Variants in SLC44A5 observed in about 807,000 individuals in gnomAD.
SLC44A5 encodes the protein solute carrier family 44 member 5, also known as choline transporter-like protein 5.
Under a neutral mutation model 101.8 loss-of-function variants are expected in SLC44A5, and 57 were observed. That is an observed-to-expected ratio of 0.56 (90% CI 0.45 to 0.70). The LOEUF is 0.70. Ranked by LOEUF, SLC44A5 falls within the 30% of genes least tolerant of loss-of-function variation. The pLI is 0.00. For missense variants in SLC44A5, 737 were observed against 853.1 expected, an observed-to-expected ratio of 0.86 and a Z score of 1.70; for synonymous variants, 281 against 290.9, an observed-to-expected ratio of 0.97 and a Z score of 0.35.
chr1:75,481,029 C>A (rs1054060022), intron 2 of SLC44A5, among the ~76,000 whole-genome samples: 1 of 152,208 alleles, frequency 6.6e-6, no homozygotes, highest in Non-Finnish European at 1.5e-5. Flanking sequence ...GTAACCAAAA[C>A]AGCATGGTAC....
chr1:75,449,069 T>C (rs1665748242), intron 2 of SLC44A5, among the ~76,000 whole-genome samples: 1 of 152,186 alleles, frequency 6.6e-6, no homozygotes. Context: ...GACTTATACA[T>C]CAGTTCTCCA....
At chr1:75,549,953 A>C (rs1318499042) in intron 1 of SLC44A5, among the ~76,000 whole-genome samples, 1 of 152,110 alleles carries the variant, frequency 6.6e-6, no homozygotes, top group African/African-American at 2.4e-5. Flanking sequence ...AAAGAGAAGC[A>C]GATTGTACAA....
intron 23 of SLC44A5, chr1:75,205,310 CA>C (rs1646731970): frequency 6.6e-6 from 1 of 152,188 alleles, no homozygotes; most frequent in Non-Finnish European, 1.5e-5. Context: ...TTCAGATCAA[CA>C]TGTTCCTTTC....
chr1:75,652,460 C>T, the SLC44A5 span, among the ~76,000 whole-genome samples: 2 of 152,148 alleles, frequency 1.3e-5, no homozygotes, highest in African/African-American at 4.8e-5. Flanking sequence ...GGATTTGCTG[C>T]TGCTAACATC....
chr1:75,692,340 T>C, the SLC44A5 span, among the ~76,000 whole-genome samples: 1 of 151,970 alleles, frequency 6.6e-6, no homozygotes, highest in Non-Finnish European at 1.5e-5. Flanking sequence ...AATTTGGGCA[T>C]GTGCCAACAT....
At chr1:75,541,402 A>G in intron 2 of SLC44A5, 33 bp downstream of exon 2, 3 of 1,498,646 alleles carry the variant, frequency 2.0e-6, no homozygotes, top group Non-Finnish European at 2.8e-6. Flanking sequence ...AAAAGTCCAG[A>G]TCAAGAGGAA....
At chr1:75,623,350 T>C in the SLC44A5 span, among the ~76,000 whole-genome samples, 1 of 151,934 alleles carries the variant, frequency 6.6e-6, no homozygotes, top group East Asian at 1.9e-4. Flanking sequence ...AGGCAAAAAG[T>C]AGGGAAAAGA....
intron 23 of SLC44A5, chr1:75,206,494 C>T: frequency 1.4e-6 from 1 of 730,154 alleles, no homozygotes; most frequent in Non-Finnish European, 2.3e-6. Context: ...GTGCTGACTT[C>T]TTAGAATTAA....
chr1:75,652,057 T>G, the SLC44A5 span, among the ~76,000 whole-genome samples: 9 of 152,190 alleles, frequency 5.9e-5, no homozygotes, highest in African/African-American at 2.2e-4. Context: ...ATGGTGGAGT[T>G]TAACTGGTAG....
chr1:75,229,642 TC>T (rs1382438715), intron 12 of SLC44A5, among the ~76,000 whole-genome samples: 2 of 152,126 alleles, frequency 1.3e-5, no homozygotes, highest in Non-Finnish European at 2.9e-5. Context: ...ATTCTCAATC[TC>T]CCCTTACCTG....
intron 3 of SLC44A5, among the ~76,000 whole-genome samples, chr1:75,341,226 A>G (rs1428582340): frequency 6.6e-6 from 1 of 152,172 alleles, no homozygotes; most frequent in African/African-American, 2.4e-5. Context: ...AGGGCCGGAC[A>G]TGGGTGGCTC....
chr1:75,676,285 C>T, the SLC44A5 span, among the ~76,000 whole-genome samples: 1 of 152,110 alleles, frequency 6.6e-6, no homozygotes, highest in African/African-American at 2.4e-5. Flanking sequence ...CACAAAGACA[C>T]AGAATGAACC....
At chr1:75,556,038 A>G (rs1225200904) in intron 1 of SLC44A5, among the ~76,000 whole-genome samples, 1 of 152,136 alleles carries the variant, frequency 6.6e-6, no homozygotes, top group Admixed American at 6.6e-5. Context: ...AGTGATAGAA[A>G]GCATATGAGT....
chr1:75,287,426 C>CTGTTTTTT (rs1653149428), intron 5 of SLC44A5, among the ~76,000 whole-genome samples: 1 of 69,910 alleles, frequency 1.4e-5, no homozygotes, highest in Non-Finnish European at 2.5e-5. Context: ...CTTCTGAATT[C>CTGTTTTTT]TTTTTTTTTT....
At chr1:75,242,129 T>G in intron 8 of SLC44A5, 68 bp from the exon 9 acceptor site, 1 of 1,250,132 alleles carries the variant, frequency 8.0e-7, no homozygotes. Flanking sequence ...TGAATCTAAA[T>G]ATGTCCTTTA....
intron 7 of SLC44A5, among the ~76,000 whole-genome samples, chr1:75,247,535 G>A (rs2100630588): frequency 6.6e-6 from 1 of 152,164 alleles, no homozygotes; most frequent in East Asian, 1.9e-4. Context: ...CAATGGACTA[G>A]GTGAGATCAT....
the SLC44A5 span, among the ~76,000 whole-genome samples, chr1:75,703,339 G>A: frequency 2.6e-5 from 4 of 152,102 alleles, no homozygotes; most frequent in Non-Finnish European, 5.9e-5. Context: ...CATAAAAAAG[G>A]ATGAGTTCAT....
At chr1:75,701,765 C>T in the SLC44A5 span, among the ~76,000 whole-genome samples, 1 of 152,150 alleles carries the variant, frequency 6.6e-6, no homozygotes, top group Non-Finnish European at 1.5e-5. Context: ...ACCCCATCAT[C>T]TCAGCCCAAA....
In SLC44A5 at chr1:75,566,352, AAAGAAT is replaced by A. The variant is rs534338299; in HGVS notation, c.-69-24842_-69-24837del. ...TACTAATAAAAATATCTATCTTTCA[AAAGAAT>A]AAGAATGAGTCTGTGAAATAAAAGG... is the stretch of plus-strand genomic sequence containing the variant. On this transcript the variant is annotated intron_variant, in intron 1 of 23. Transcript: ENST00000370859. 3.5e-3 allele frequency among the ~76,000 whole-genome samples: 538 copies of A among 152,342 alleles called. 1 individual carries two copies. Among genetic ancestry groups the A allele is most frequent in the Non-Finnish European group, 6.6e-3 (448 of 68,024 alleles).
Sources: allele counts gnomAD v4.1 joint callset (sites outside exome capture counted in the v4.1 genomes callset), GRCh38; gene constraint gnomAD v4.1.1; transcripts MANE v1.5; gene names NCBI Gene and HGNC (gene_info 2026-07-23, HGNC 2026-07-21).